Variants in MEMO1 observed in about 807,000 individuals in gnomAD.
MEMO1 encodes the protein mediator of cell motility 1.
A neutral mutation model predicts 45.2 loss-of-function variants in MEMO1; 6 were observed. That is an observed-to-expected ratio of 0.13 (90% CI 0.07 to 0.26). The LOEUF (loss-of-function observed/expected upper bound fraction) is 0.26, where lower values mean the gene tolerates loss of function less well. Ranked by LOEUF, MEMO1 falls within the 10% of genes least tolerant of loss-of-function variation. MEMO1 has a pLI of 1.00. For synonymous variants in MEMO1, 78 were observed against 124.3 expected (o/e 0.63, Z 2.48); for missense variants, 184 against 370.5 (o/e 0.50, Z 4.13).
At chr2:31,982,597 A>G in intron 2 of MEMO1, among the ~76,000 whole-genome samples, 1 of 151,688 alleles carries the variant, frequency 6.6e-6, no homozygotes, top group Admixed American at 6.6e-5. Flanking sequence ...TCAAAAAAAA[A>G]AAAAAAAAAA....
chr2:31,941,406 C>T (rs1665598221), intron 3 of MEMO1, among the ~76,000 whole-genome samples: 2 of 152,132 alleles, frequency 1.3e-5, no homozygotes, highest in South Asian at 4.1e-4. Context: ...AAAACAGTAA[C>T]ACCCTACCCA....
chr2:31,932,225 T>G, intron 3 of MEMO1, 90 bp from the exon 4 acceptor site: 1 of 1,033,034 alleles, frequency 9.7e-7, no homozygotes, highest in South Asian at 1.4e-5. Context: ...ACAGTACCTA[T>G]GGTAAACACA....
intron 2 of MEMO1, among the ~76,000 whole-genome samples, chr2:31,965,362 A>C (rs547396286): frequency 1.0e-4 from 15 of 147,964 alleles, no homozygotes; most frequent in African/African-American, 3.5e-4. Context: ...TGTCAAAGTA[A>C]TGTGGTGGGA....
At chr2:32,010,017 G>C (rs1236427384) in intron 2 of MEMO1, among the ~76,000 whole-genome samples, 170 bp downstream of exon 2, 2 of 148,762 alleles carry the variant, frequency 1.3e-5, no homozygotes, top group Admixed American at 6.7e-5. Flanking sequence ...TGGGGGAGGC[G>C]GCGAGGCCGG....
Position 31,868,170 on chromosome 2 carries a change from A to T in MEMO1, c.*191T>A, listed in dbSNP as rs186930444. ...GCCAGCCTTCCTTCCACTGCCCTAA[A>T]CTATAAAGCATTTTTTAATGAGTTG... is the stretch of plus-strand genomic sequence containing the variant. On this transcript the variant is annotated 3_prime_UTR_variant, in exon 10 of 10. Transcript: ENST00000404530. 21 of 432,978 alleles carry T rather than the reference A, an allele frequency of 4.9e-5. No individual in the cohort carries two copies. The East Asian group carries it at 7.2e-4, about 15-fold the overall frequency. The allele number at this position is 432,978 out of a possible 1,614,324, so 26.8% of individuals were successfully genotyped here.
intron 2 of MEMO1, among the ~76,000 whole-genome samples, chr2:31,974,465 G>A (rs1011192561): frequency 9.2e-5 from 14 of 152,110 alleles, no homozygotes; most frequent in East Asian, 1.9e-4. Flanking sequence ...AAACATTTGC[G>A]GCCGGGCACG....
At chr2:31,941,759 T>A (rs1159896288) in intron 3 of MEMO1, among the ~76,000 whole-genome samples, 1 of 152,236 alleles carries the variant, frequency 6.6e-6, no homozygotes, top group African/African-American at 2.4e-5. Flanking sequence ...AAGTTGCATG[T>A]CACATAGCTT....
rs542847527 is a variant in MEMO1 at position 31,999,491 on chromosome 2, G to GC, written c.61+10695dup. On this transcript the variant is annotated intron_variant, in intron 2 of 9. Coordinates refer to ENST00000404530, the MANE Select transcript of MEMO1 (RefSeq NM_001301833.4). ...CAGCCTGAGCAATATAGTGAGACCC[G>GC]CCCCCCCATCTCTACCAAAAATACA... 3.1e-3 allele frequency among the ~76,000 whole-genome samples: 468 copies of GC among 151,914 alleles called. 4 individuals carry two copies. The highest frequency in any genetic ancestry group is 0.014 in the Middle Eastern group (4 of 294).
chr2:31,878,021 T>C (rs1248227928), intron 8 of MEMO1, among the ~76,000 whole-genome samples: 1 of 152,218 alleles, frequency 6.6e-6, no homozygotes, highest in Non-Finnish European at 1.5e-5. Context: ...TATTTAGTTT[T>C]TTAGAAGAAA....
intron 8 of MEMO1, among the ~76,000 whole-genome samples, chr2:31,870,717 C>T (rs1314179093): frequency 6.6e-6 from 1 of 151,992 alleles, no homozygotes; most frequent in Non-Finnish European, 1.5e-5. Flanking sequence ...ACTGGGATTA[C>T]AGACAACACA....
intron 6 of MEMO1, among the ~76,000 whole-genome samples, chr2:31,895,837 CTTTTTT>C (rs71412853): frequency 3.5e-5 from 3 of 84,742 alleles, no homozygotes; most frequent in African/African-American, 4.7e-5. Flanking sequence ...AGAAAAAAAT[CTTTTTT>C]TTTTTTTTTT....
intron 8 of MEMO1, among the ~76,000 whole-genome samples, 192 bp downstream of exon 8, chr2:31,883,194 T>C (rs1186622740): frequency 6.6e-6 from 1 of 152,152 alleles, no homozygotes; most frequent in Admixed American, 6.5e-5. Flanking sequence ...TCAAACAAAA[T>C]TATGATGACG....
rs367983160 is a variant in MEMO1, at chr2:31,873,211, A to C, written c.658-3259T>G. 9.8e-5 allele frequency among the ~76,000 whole-genome samples: 15 copies of C among 152,314 alleles called. 1 individual carries two copies. The East Asian group carries it at 1.7e-3, about 18-fold the overall frequency. On this transcript the variant is annotated intron_variant, in intron 8 of 9. Transcript: ENST00000404530. ...ATAGTGAAAATTTGATTGTTCACAT[A>C]AACTTAACCTAATGTGGAGGAGTGA...
At chr2:31,927,740 CTAATT>C (rs1683319651) in intron 4 of MEMO1, among the ~76,000 whole-genome samples, 1 of 150,484 alleles carries the variant, frequency 6.6e-6, no homozygotes, top group Admixed American at 6.6e-5. Flanking sequence ...TTATTAACCT[CTAATT>C]TGTTTACTTT....
chr2:31,970,260 G>A (rs1669219833), intron 2 of MEMO1, among the ~76,000 whole-genome samples: 2 of 152,130 alleles, frequency 1.3e-5, no homozygotes, highest in African/African-American at 2.4e-5. Flanking sequence ...ATGAGCCACC[G>A]CGCCTGGCCT....
intron 6 of MEMO1, among the ~76,000 whole-genome samples, chr2:31,917,573 CGATT>C (rs920533137): frequency 7.9e-5 from 12 of 151,880 alleles, no homozygotes; most frequent in African/African-American, 2.4e-4. Context: ...TAAAATTTTA[CGATT>C]AATTATAGCA....
chr2:31,988,248 G>T (rs1277641486), intron 2 of MEMO1, among the ~76,000 whole-genome samples: 1 of 152,058 alleles, frequency 6.6e-6, no homozygotes, highest in Non-Finnish European at 1.5e-5. Context: ...TTCCCTGAAG[G>T]TTCAAAAGTA....
At chr2:31,920,192 T>C (rs1682093870) in intron 5 of MEMO1, among the ~76,000 whole-genome samples, 1 of 151,932 alleles carries the variant, frequency 6.6e-6, no homozygotes, top group African/African-American at 2.4e-5. Flanking sequence ...AATACCTTTA[T>C]AAAATCAAAA....
intron 2 of MEMO1, among the ~76,000 whole-genome samples, chr2:31,965,146 G>A: frequency 6.6e-6 from 1 of 151,974 alleles, no homozygotes; most frequent in Admixed American, 6.6e-5. Context: ...CGGAGAGGCA[G>A]AGGTTATAGT....
Sources: allele counts gnomAD v4.1 joint callset (sites outside exome capture counted in the v4.1 genomes callset), GRCh38; gene constraint gnomAD v4.1.1; transcripts MANE v1.5; gene names NCBI Gene and HGNC (gene_info 2026-07-23, HGNC 2026-07-21).